The following GRIN3A variants were observed in gnomAD, a reference collection of about 807,000 sequenced individuals.
The protein encoded by GRIN3A is glutamate ionotropic receptor NMDA type subunit 3A, also known as glutamate receptor ionotropic, NMDA 3A.
A neutral mutation model predicts 92.4 loss-of-function variants in GRIN3A; 47 were observed. The observed-to-expected ratio is 0.51, with a 90% CI of 0.40 to 0.65. GRIN3A has a LOEUF of 0.65. Ranked by LOEUF, GRIN3A falls within the 30% of genes least tolerant of loss-of-function variation. The pLI, the probability that GRIN3A is intolerant of heterozygous loss-of-function variation, is 0.00. For synonymous variants in GRIN3A, 527 were observed against 540.6 expected (o/e 0.97, Z 0.35); for missense variants, 1,324 against 1,393.1 (o/e 0.95, Z 0.79).
chr9:101,629,681 A>G (rs1396854811), intron 3 of GRIN3A, among the ~76,000 whole-genome samples: 1 of 152,252 alleles, frequency 6.6e-6, no homozygotes, highest in Non-Finnish European at 1.5e-5. Flanking sequence ...ACAATACTTA[A>G]CATTTATTAA....
intron 1 of GRIN3A, among the ~76,000 whole-genome samples, chr9:101,698,750 C>T (rs1402936470): frequency 6.6e-6 from 1 of 152,110 alleles, no homozygotes; most frequent in Non-Finnish European, 1.5e-5. Flanking sequence ...CTCACTATAA[C>T]CTCCGGCTCC....
intron 3 of GRIN3A, among the ~76,000 whole-genome samples, chr9:101,629,473 A>T (rs1828683844): frequency 6.6e-6 from 1 of 152,218 alleles, no homozygotes; most frequent in Non-Finnish European, 1.5e-5. Flanking sequence ...TCTCAAAGTT[A>T]CTAGGGTGAC....
intron 6 of GRIN3A, among the ~76,000 whole-genome samples, chr9:101,601,454 C>G (rs1018617882): frequency 6.6e-6 from 1 of 152,116 alleles, no homozygotes; most frequent in Non-Finnish European, 1.5e-5. Flanking sequence ...TCTAGAAGAG[C>G]CTGAGCTGGG....
At chr9:101,688,605 A>G (rs1829568750) in intron 1 of GRIN3A, among the ~76,000 whole-genome samples, 1 of 152,090 alleles carries the variant, frequency 6.6e-6, no homozygotes, top group African/African-American at 2.4e-5. Flanking sequence ...TAGGGAGGGT[A>G]ATGAAAAATG....
At chr9:101,701,233 T>C (rs1171227052) in intron 1 of GRIN3A, among the ~76,000 whole-genome samples, 2 of 152,158 alleles carry the variant, frequency 1.3e-5, no homozygotes, top group African/African-American at 2.4e-5. Flanking sequence ...AACTTTTAGG[T>C]TCAGGGCTAC....
In GRIN3A at chr9:101,652,377, G is replaced by T. The variant is rs117041475; in HGVS notation, c.2352+17683C>A. Reference sequence around the variant, plus strand: ...AAGTGGCATGGGCAGTTCTCATGTGGTGGTTTCCATGACACCCTATGAAAG... The same window carrying T: ...AAGTGGCATGGGCAGTTCTCATGTGTTGGTTTCCATGACACCCTATGAAAG... On this transcript the variant is annotated intron_variant, in intron 3 of 8. Transcript: ENST00000361820. 3.8e-4 allele frequency among the ~76,000 whole-genome samples: 58 copies of T among 152,044 alleles called. 1 individual carries two copies. The East Asian group carries it at 0.011, about 30-fold the overall frequency.
At chr9:101,707,196 G>A (rs1829824410) in intron 1 of GRIN3A, among the ~76,000 whole-genome samples, 2 of 152,322 alleles carry the variant, frequency 1.3e-5, no homozygotes, top group East Asian at 3.9e-4. Flanking sequence ...GTAGCAGTAT[G>A]CACAATAGTC....
Position 101,572,468 on chromosome 9 carries a change from A to T in GRIN3A, c.*706T>A, listed in dbSNP as rs1827773193. ...TCTGAAAGCATGGTATGCATTTTTAATGCCTCTGCTGCCTGTCTTCTGTTT... is the reference window on the plus strand; with the variant it reads ...TCTGAAAGCATGGTATGCATTTTTATTGCCTCTGCTGCCTGTCTTCTGTTT... On this transcript the variant is annotated 3_prime_UTR_variant, in exon 9 of 9. Transcript: ENST00000361820. 1 of 152,940 alleles carries T rather than the reference A, an allele frequency of 6.5e-6. No individual in the cohort carries two copies. The highest frequency in any genetic ancestry group is 2.4e-5 in the African/African-American group (1 of 41,564). 9.5% of individuals were successfully genotyped at this position (152,940 alleles called of 1,614,324 possible).
chr9:101,615,086 T>C (rs1267090812), intron 5 of GRIN3A, among the ~76,000 whole-genome samples: 1 of 151,996 alleles, frequency 6.6e-6, no homozygotes, highest in Non-Finnish European at 1.5e-5. Flanking sequence ...CCTCACACTG[T>C]GTGGCTTTAC....
intron 1 of GRIN3A, among the ~76,000 whole-genome samples, chr9:101,705,127 C>G (rs755698876): frequency 6.6e-6 from 1 of 152,032 alleles, no homozygotes; most frequent in Non-Finnish European, 1.5e-5. Context: ...TGTTTTTGTG[C>G]CCAAAAGTTG....
chr9:101,717,914 A>G (rs1044033126), intron 1 of GRIN3A, among the ~76,000 whole-genome samples: 3 of 152,182 alleles, frequency 2.0e-5, no homozygotes, highest in African/African-American at 4.8e-5. Context: ...TACAAAATCA[A>G]TTTCCCCAAG....
At chr9:101,663,463 G>C (rs1363960965) in intron 3 of GRIN3A, among the ~76,000 whole-genome samples, 4 of 151,864 alleles carry the variant, frequency 2.6e-5, no homozygotes, top group Non-Finnish European at 5.9e-5. Context: ...AAGAATGAAT[G>C]AGTGGATTGG....
At chr9:101,601,840 T>A (rs1392206870) in intron 6 of GRIN3A, among the ~76,000 whole-genome samples, 1 of 152,232 alleles carries the variant, frequency 6.6e-6, no homozygotes, top group East Asian at 1.9e-4. Flanking sequence ...TGCTGCAATA[T>A]GACTGCATCT....
chr9:101,669,976 G>T, intron 3 of GRIN3A, 84 bp downstream of exon 3: 1 of 1,048,860 alleles, frequency 9.5e-7, no homozygotes, highest in Non-Finnish European at 1.5e-6. Flanking sequence ...TTAGATGGAA[G>T]AACATGAGCA....
rs1035027536 is a variant in GRIN3A, at chr9:101,609,256, G to T, written c.2766+4120C>A. On this transcript the variant is annotated intron_variant, in intron 6 of 8. Transcript: ENST00000361820. ...GAAATATGAGGAAATCTAATGGAGG[G>T]TTTCTGGTAATATTTCTTTACTTTG... Among the ~76,000 whole-genome samples the T allele has an allele frequency of 2.0e-5, 3 of 152,256 alleles. No individual in the cohort carries two copies. In the Middle Eastern group the frequency reaches 0.01, roughly 518 times the overall value.
chr9:101,720,616 T>A (rs1829999824), intron 1 of GRIN3A, among the ~76,000 whole-genome samples: 1 of 152,194 alleles, frequency 6.6e-6, no homozygotes, highest in African/African-American at 2.4e-5. Flanking sequence ...CAAGAACAGA[T>A]AACATTGTTT....
At chr9:101,684,446 T>A (rs936351996) in intron 2 of GRIN3A, among the ~76,000 whole-genome samples, 1 of 151,998 alleles carries the variant, frequency 6.6e-6, no homozygotes, top group Admixed American at 6.6e-5. Flanking sequence ...ATTAAGTGCC[T>A]ACTATAGGCT....
intron 8 of GRIN3A, among the ~76,000 whole-genome samples, chr9:101,573,762 G>C (rs1011219164): frequency 6.7e-6 from 1 of 148,336 alleles, no homozygotes; most frequent in Non-Finnish European, 1.5e-5. Context: ...TGATAGGATG[G>C]GGTATGGTGC....
In GRIN3A at chr9:101,577,810, T is replaced by C; in HGVS notation, c.2966A>G (p.Glu989Gly). Residue 989 changes from glutamate to glycine, a missense_variant, in exon 8 of 9, where the codon GAG (glutamate) becomes GGG (glycine). Coordinates refer to ENST00000361820, the MANE Select transcript of GRIN3A (RefSeq NM_133445.3). ...LHRAINTSFI[E>G]EKQQHFKTKR... ...GGTCTTGAAATGCTGCTGCTTTTCC[T>C]CTATAAATGATGTATTTATTGCTCT... 3.1e-6 allele frequency: 5 copies of C among 1,612,994 alleles called. No homozygotes were observed. The highest frequency in any genetic ancestry group is 1.7e-4 in the Middle Eastern group (1 of 6,052).
Sources: gnomAD v4.1 joint callset for allele counts (sites outside exome capture counted in the v4.1 genomes callset) on GRCh38, gnomAD v4.1.1 for gene constraint, MANE v1.5 for transcripts, NCBI Gene and HGNC (gene_info 2026-07-23, HGNC 2026-07-21) for gene names.